The following KHDRBS2 variants were observed in gnomAD, a reference collection of about 807,000 sequenced individuals.
KHDRBS2 encodes KH domain-containing, RNA-binding, signal transduction-associated protein 2.
A neutral mutation model predicts 44.3 loss-of-function variants in KHDRBS2; 26 were observed. The observed-to-expected ratio is 0.59, with a 90% CI of 0.43 to 0.81. The LOEUF (loss-of-function observed/expected upper bound fraction) is 0.81. Among genes scored for constraint, KHDRBS2 ranks in the 40% least tolerant of loss-of-function variants. The pLI is 0.00. For missense variants in KHDRBS2, 476 were observed against 433.1 expected (o/e 1.10, Z -0.88); for synonymous variants, 194 against 151.1 (o/e 1.28, Z -2.08).
chr6:61,938,983 T>C (rs1334679286), intron 4 of KHDRBS2, among the ~76,000 whole-genome samples: 1 of 152,176 alleles, frequency 6.6e-6, no homozygotes, highest in African/African-American at 2.4e-5. Context: ...TGGAGGCTAT[T>C]TGCCTCTTTA....
chr6:61,856,065 AG>A (rs1368157872), intron 6 of KHDRBS2, among the ~76,000 whole-genome samples: 3 of 152,060 alleles, frequency 2.0e-5, no homozygotes, highest in African/African-American at 7.2e-5. Flanking sequence ...AACTCTTCCT[AG>A]TCTCACTGTC....
the KHDRBS2 span, among the ~76,000 whole-genome samples, chr6:61,650,607 C>G: frequency 2.0e-5 from 1 of 51,052 alleles, no homozygotes; most frequent in Non-Finnish European, 6.1e-5. Context: ...AAACTTAATG[C>G]CTTTTTTTTT....
At chr6:61,685,924 T>C (rs750957857) in intron 8 of KHDRBS2, among the ~76,000 whole-genome samples, 1 of 151,676 alleles carries the variant, frequency 6.6e-6, no homozygotes, top group Non-Finnish European at 1.5e-5. Flanking sequence ...ACATGAAGCA[T>C]AGGAACGAGG....
intron 6 of KHDRBS2, among the ~76,000 whole-genome samples, chr6:61,891,240 C>T (rs893564100): frequency 1.3e-5 from 2 of 152,172 alleles, no homozygotes; most frequent in African/African-American, 4.8e-5. Flanking sequence ...AAATCATTTT[C>T]ATAGTACAAT....
At chr6:62,268,447 A>C (rs1208592664) in intron 1 of KHDRBS2, among the ~76,000 whole-genome samples, 3 of 152,072 alleles carry the variant, frequency 2.0e-5, no homozygotes, top group East Asian at 3.9e-4. Context: ...GGGTGACAGC[A>C]ATGCTGGCCG....
chr6:61,931,172 G>A (rs755622428), intron 4 of KHDRBS2, among the ~76,000 whole-genome samples: 52 of 151,606 alleles, frequency 3.4e-4, no homozygotes, highest in Non-Finnish European at 1.6e-4. Flanking sequence ...TACTACTTAC[G>A]CATCTTCACT....
At chr6:62,011,508 C>T (rs1433739720) in intron 3 of KHDRBS2, among the ~76,000 whole-genome samples, 2 of 152,092 alleles carry the variant, frequency 1.3e-5, no homozygotes, top group South Asian at 2.1e-4. Flanking sequence ...ATTAATAGTA[C>T]TAGGACAATA....
At chr6:61,683,283 G>A (rs1159605917) in intron 8 of KHDRBS2, among the ~76,000 whole-genome samples, 1 of 151,872 alleles carries the variant, frequency 6.6e-6, no homozygotes, top group Non-Finnish European at 1.5e-5. Flanking sequence ...GAGGACATAA[G>A]TGTTTAATAA....
intron 7 of KHDRBS2, among the ~76,000 whole-genome samples, chr6:61,715,681 T>C (rs1771277795): frequency 6.6e-6 from 1 of 151,962 alleles, no homozygotes; most frequent in South Asian, 2.1e-4. Flanking sequence ...ACTTATCACA[T>C]GCTATGTGTT....
the KHDRBS2 span, among the ~76,000 whole-genome samples, chr6:61,618,763 GGCCTCCA>G: frequency 6.6e-6 from 1 of 152,144 alleles, no homozygotes; most frequent in Non-Finnish European, 1.5e-5. Flanking sequence ...TAAGAATAAT[GGCCTCCA>G]GCTCCATCCA....
chr6:62,040,703 C>A (rs1316060509), intron 3 of KHDRBS2, among the ~76,000 whole-genome samples: 1 of 152,118 alleles, frequency 6.6e-6, no homozygotes, highest in Non-Finnish European at 1.5e-5. Flanking sequence ...TCACAGTAAG[C>A]AGCATCAGGA....
the KHDRBS2 span, among the ~76,000 whole-genome samples, chr6:61,554,251 A>G: frequency 1.3e-5 from 2 of 152,122 alleles, no homozygotes; most frequent in Non-Finnish European, 2.9e-5. Flanking sequence ...CCATTAAGTA[A>G]TGCACTTCCT....
At chr6:61,915,684 A>G (rs1806863011) in intron 4 of KHDRBS2, among the ~76,000 whole-genome samples, 1 of 152,100 alleles carries the variant, frequency 6.6e-6, no homozygotes, top group Non-Finnish European at 1.5e-5. Context: ...GAATATTTTT[A>G]AAAACCAGAT....
intron 6 of KHDRBS2, among the ~76,000 whole-genome samples, chr6:61,794,131 A>T (rs559285553): frequency 6.6e-6 from 1 of 152,352 alleles, no homozygotes; most frequent in African/African-American, 2.4e-5. Context: ...TACTAAGACA[A>T]ACTGAAATCT....
intron 4 of KHDRBS2, among the ~76,000 whole-genome samples, chr6:61,957,021 T>G (rs900622914): frequency 2.6e-5 from 4 of 152,150 alleles, no homozygotes; most frequent in Admixed American, 2.0e-4. Context: ...GAAGATTTCA[T>G]GAACATTTAT....
At chr6:61,966,583 C>T (rs1407755462) in intron 4 of KHDRBS2, among the ~76,000 whole-genome samples, 3 of 151,958 alleles carry the variant, frequency 2.0e-5, no homozygotes, top group Non-Finnish European at 2.9e-5. Flanking sequence ...TACTTGACCA[C>T]GGAAAATACA....
intron 7 of KHDRBS2, among the ~76,000 whole-genome samples, chr6:61,697,888 C>G (rs886745557): frequency 7.9e-5 from 12 of 152,122 alleles, no homozygotes; most frequent in African/African-American, 2.2e-4. Flanking sequence ...TCCACTTCCC[C>G]CTTTAAGGCA....
intron 4 of KHDRBS2, among the ~76,000 whole-genome samples, chr6:61,963,078 G>C (rs1333450636): frequency 6.6e-6 from 1 of 152,068 alleles, no homozygotes; most frequent in African/African-American, 2.4e-5. Flanking sequence ...CTATTTAATA[G>C]TGAAATAAAA....
chr6:61,968,397 C>T (rs758727282), intron 4 of KHDRBS2, among the ~76,000 whole-genome samples: 1 of 151,920 alleles, frequency 6.6e-6, no homozygotes, highest in Non-Finnish European at 1.5e-5. Context: ...TTAAAACAAC[C>T]GTGAAGTGAT....
Sources: allele counts gnomAD v4.1 joint callset (sites outside exome capture counted in the v4.1 genomes callset), GRCh38; gene constraint gnomAD v4.1.1; transcripts MANE v1.5; gene names NCBI Gene and HGNC (gene_info 2026-07-23, HGNC 2026-07-21).